Variants in LYSMD1 observed in about 807,000 individuals in gnomAD.
LYSMD1 encodes the protein LysM domain containing 1.
LYSMD1 carries 9 observed loss-of-function variants against 19.3 expected under a neutral mutation model. The ratio of observed to expected loss-of-function variants is 0.47; its 90% CI spans 0.28 to 0.81. The LOEUF (loss-of-function observed/expected upper bound fraction) is 0.81. LYSMD1 is among the 40% of genes least tolerant of loss of function. The probability of loss-of-function intolerance (pLI) is 0.11; values close to 1 mark genes in which losing one functional copy is unlikely to be tolerated. For missense variants in LYSMD1, 262 were observed against 279.8 expected (o/e 0.94, Z 0.45); for synonymous variants, 111 against 111.7 (o/e 0.99, Z 0.04).
At chr1:151,163,928 CAGGCTGGA>C (rs1289698576) in intron 1 of LYSMD1, among the ~76,000 whole-genome samples, 3 of 151,338 alleles carry the variant, frequency 2.0e-5, no homozygotes, top group African/African-American at 7.3e-5. Flanking sequence ...CTCTGTTGCC[CAGGCTGGA>C]GTGCTGGAGT....
chr1:151,158,767 C>T (rs770422098), downstream of LYSMD1: 17 of 1,613,772 alleles, frequency 1.1e-5, no homozygotes, highest in African/African-American at 5.3e-5. Flanking sequence ...GATGGCGGGT[C>T]GCTCTGTGGC....
downstream of LYSMD1, chr1:151,159,105 G>A (rs41310905): frequency 5.2e-3 from 8,330 of 1,614,078 alleles, 37 homozygotes; most frequent in Middle Eastern, 0.011. Flanking sequence ...ACCACCTCAC[G>A]CCCAAGTCAC....
chr1:151,163,423 T>C (rs897272483), intron 1 of LYSMD1, among the ~76,000 whole-genome samples: 1 of 152,142 alleles, frequency 6.6e-6, no homozygotes, highest in Non-Finnish European at 1.5e-5. Context: ...CAGGGGCTCA[T>C]TAATGCTTTA....
downstream of LYSMD1, among the ~76,000 whole-genome samples, chr1:151,156,124 AAAAG>A (rs1321005300): frequency 6.8e-5 from 10 of 146,524 alleles, no homozygotes; most frequent in African/African-American, 2.7e-4. Flanking sequence ...AAAAAAAAAA[AAAAG>A]GCAACTCAGT....
Position 151,165,761 on chromosome 1 carries a change from T to G in LYSMD1, c.-503A>C. The stretch of plus-strand genomic sequence containing the variant: ...TTGTAGTACACCTTCCACTCAGAGA[T>G]CCTCAAAGGTCCGCTCCGCATAAGA... On this transcript the variant is annotated 5_prime_UTR_variant, in exon 1 of 3. Transcript: ENST00000368908. The G allele has an allele frequency of 6.4e-7, 1 of 1,551,650 alleles. No individual in the cohort carries two copies. Among genetic ancestry groups the G allele is most frequent in the Non-Finnish European group, 8.7e-7 (1 of 1,146,968 alleles).
the LYSMD1 span, among the ~76,000 whole-genome samples, chr1:151,153,521 G>A: frequency 6.6e-6 from 1 of 151,874 alleles, no homozygotes; most frequent in Non-Finnish European, 1.5e-5. Context: ...TGGGCATGGT[G>A]GCACATGCCT....
chr1:151,159,954 A>C lies in LYSMD1; in HGVS notation c.*928T>G, dbSNP rs587647025. ...ACCATAGATCAGTGCTACAAATCGC[A>C]AATAAATATGCAGTGAGGAGGAAGG... is the stretch of plus-strand genomic sequence containing the variant. On this transcript the variant is annotated 3_prime_UTR_variant, in exon 3 of 3. Coordinates refer to ENST00000368908, the MANE Select transcript of LYSMD1 (RefSeq NM_212551.5). 1.2e-5 allele frequency: 2 copies of C among 160,152 alleles called. No homozygotes were observed. Among genetic ancestry groups the C allele is most frequent in the Admixed American group, 1.3e-4 (2 of 15,268 alleles). The allele number at this position is 160,152 out of a possible 1,614,324, so 9.9% of individuals were successfully genotyped here.
At chr1:151,151,967 T>C in the LYSMD1 span, among the ~76,000 whole-genome samples, 1 of 151,734 alleles carries the variant, frequency 6.6e-6, no homozygotes, top group Non-Finnish European at 1.5e-5. Flanking sequence ...TTGTCTTTTA[T>C]CTTTTTATCC....
intron 1 of LYSMD1, among the ~76,000 whole-genome samples, chr1:151,162,717 C>A (rs1279556485): frequency 6.6e-6 from 1 of 152,202 alleles, no homozygotes; most frequent in Non-Finnish European, 1.5e-5. Context: ...ACATCAATGT[C>A]ATCCTTAACT....
chr1:151,159,320 C>G, downstream of LYSMD1: 1 of 1,460,300 alleles, frequency 6.8e-7, no homozygotes, highest in South Asian at 1.3e-5. Context: ...TAATGGGCTT[C>G]CTAACCCTGC....
chr1:151,157,935 T>A (rs1480700895), downstream of LYSMD1, among the ~76,000 whole-genome samples: 1 of 152,218 alleles, frequency 6.6e-6, no homozygotes, highest in Non-Finnish European at 1.5e-5. Flanking sequence ...AATTACTTAA[T>A]GTAAGTATCA....
downstream of LYSMD1, chr1:151,158,782 C>T (rs1683322596): frequency 1.2e-6 from 2 of 1,613,942 alleles, no homozygotes; most frequent in African/African-American, 1.3e-5. Flanking sequence ...TGTGGCTCAT[C>T]TCTTCATAGA....
At chr1:151,155,411 T>G (rs1156379363), downstream of LYSMD1, among the ~76,000 whole-genome samples, 2 of 152,244 alleles carry the variant, frequency 1.3e-5, no homozygotes, top group Admixed American at 6.5e-5. Context: ...ATAAGATTCT[T>G]GATAGCAAGT....
At chr1:151,152,202 C>G in the LYSMD1 span, among the ~76,000 whole-genome samples, 117 of 151,938 alleles carry the variant, frequency 7.7e-4, no homozygotes, top group Non-Finnish European at 1.4e-3. Context: ...TCGAGACCAT[C>G]CTGGCTAACA....
At chr1:151,162,715 G>A (rs192151299) in intron 1 of LYSMD1, among the ~76,000 whole-genome samples, 14 of 152,232 alleles carry the variant, frequency 9.2e-5, no homozygotes, top group African/African-American at 3.4e-4. Flanking sequence ...AAACATCAAT[G>A]TCATCCTTAA....
Position 151,165,403 on chromosome 1 carries a change from C to T in LYSMD1, c.-145G>A. 3 of 1,442,608 alleles carry T rather than the reference C, an allele frequency of 2.1e-6. No individual in the cohort carries two copies. The highest frequency in any genetic ancestry group is 2.7e-6 in the Non-Finnish European group (3 of 1,101,280). The allele number at this position is 1,442,608 out of a possible 1,614,324, so 89.4% of individuals were successfully genotyped here. A position where few individuals can be genotyped will look rare whatever the true frequency, so the allele number is the denominator to read the frequency against. ...CTGTGTCCCCGCCTCCCCAGCACTA[C>T]GCCATCTGCCCCCTCCCGGTTTCTC... On this transcript the variant is annotated 5_prime_UTR_variant, in exon 1 of 3. Coordinates refer to ENST00000368908, the MANE Select transcript of LYSMD1 (RefSeq NM_212551.5).
chr1:151,157,773 G>T (rs747147477), downstream of LYSMD1, among the ~76,000 whole-genome samples: 23 of 152,318 alleles, frequency 1.5e-4, no homozygotes, highest in Non-Finnish European at 1.3e-4. Flanking sequence ...CTGACGTAAA[G>T]CACTTGCATA....
chr1:151,160,810 C>T lies in LYSMD1; in HGVS notation c.*72G>A. ...AGGCTCATAAGCCATGTTCTTGAGC[C>T]TCACCTCAGGCTCCTCTCCCCCTGA... On this transcript the variant is annotated 3_prime_UTR_variant, in exon 3 of 3. Coordinates refer to ENST00000368908, the MANE Select transcript of LYSMD1 (RefSeq NM_212551.5). 1 of 1,541,332 alleles carries T rather than the reference C, an allele frequency of 6.5e-7. No homozygotes were observed. The highest frequency in any genetic ancestry group is 8.9e-7 in the Non-Finnish European group (1 of 1,126,392).
the LYSMD1 span, among the ~76,000 whole-genome samples, chr1:151,150,306 C>G: frequency 6.6e-6 from 1 of 152,300 alleles, no homozygotes; most frequent in South Asian, 2.1e-4. Context: ...TACACATGCT[C>G]AAGTAATTCC....
Sources: allele counts gnomAD v4.1 joint callset (sites outside exome capture counted in the v4.1 genomes callset), GRCh38; gene constraint gnomAD v4.1.1; transcripts MANE v1.5; gene names NCBI Gene and HGNC (gene_info 2026-07-23, HGNC 2026-07-21).